The following ANO10 variants were observed in gnomAD, a reference collection of about 807,000 sequenced individuals.
ANO10 encodes anoctamin-10.
ANO10 carries 77 observed loss-of-function variants against 74.7 expected under a neutral mutation model. The observed-to-expected ratio is 1.03, with a 90% CI of 0.86 to 1.25. The LOEUF is 1.25. ANO10 is among the 50% of genes most tolerant of loss of function. ANO10 has a pLI of 0.00. For missense variants in ANO10, 721 were observed against 778.1 expected (o/e 0.93, Z 0.87); for synonymous variants, 279 against 284.9 (o/e 0.98, Z 0.21).
At chr3:43,414,908 A>AG (rs2092714809) in intron 12 of ANO10, among the ~76,000 whole-genome samples, 1 of 150,734 alleles carries the variant, frequency 6.6e-6, no homozygotes, top group Admixed American at 6.6e-5. Flanking sequence ...CACAGACTTA[A>AG]AGTCAATGAC....
chr3:43,568,923 A>C (rs1374462074), intron 7 of ANO10, among the ~76,000 whole-genome samples: 2 of 149,094 alleles, frequency 1.3e-5, no homozygotes, highest in Admixed American at 1.3e-4. Flanking sequence ...GATCAACAAA[A>C]TTGATAGACC....
At chr3:43,577,300 C>T (rs762885035) in intron 5 of ANO10, 39 bp from the exon 6 acceptor site, 16 of 1,574,522 alleles carry the variant, frequency 1.0e-5, no homozygotes, top group Non-Finnish European at 1.4e-5. Context: ...GTATAGACTA[C>T]CAAACACTTT....
intron 12 of ANO10, among the ~76,000 whole-genome samples, chr3:43,374,527 T>C (rs1365912108): frequency 6.6e-6 from 1 of 152,248 alleles, no homozygotes; most frequent in Non-Finnish European, 1.5e-5. Context: ...GCCCGGCCCC[T>C]ACCCTGATGT....
intron 11 of ANO10, among the ~76,000 whole-genome samples, chr3:43,539,559 A>G (rs1402019397): frequency 1.3e-5 from 2 of 152,188 alleles, no homozygotes; most frequent in Admixed American, 6.5e-5. Flanking sequence ...GCTGGGGTGC[A>G]GTAGGAGACA....
chr3:43,640,232 A>C (rs750608066), intron 1 of ANO10, among the ~76,000 whole-genome samples: 25 of 152,242 alleles, frequency 1.6e-4, no homozygotes, highest in Non-Finnish European at 3.1e-4. Flanking sequence ...GAAAAGGTTA[A>C]AAAATATACC....
chr3:43,482,430 T>TG (rs2076309903), intron 11 of ANO10, among the ~76,000 whole-genome samples: 1 of 152,052 alleles, frequency 6.6e-6, no homozygotes, highest in Non-Finnish European at 1.5e-5. Context: ...ATCTCAGGAT[T>TG]GGAAGTGCCT....
chr3:43,483,973 A>G (rs1388530844), intron 11 of ANO10, among the ~76,000 whole-genome samples: 1 of 152,108 alleles, frequency 6.6e-6, no homozygotes, highest in Non-Finnish European at 1.5e-5. Context: ...GTCTCATTCT[A>G]TTGCCCAGGC....
intron 1 of ANO10, among the ~76,000 whole-genome samples, chr3:43,653,838 G>C (rs762024468): frequency 3.9e-5 from 6 of 151,988 alleles, no homozygotes; most frequent in Non-Finnish European, 7.4e-5. Context: ...CTATCCCTTC[G>C]GACAGAAGTT....
chr3:43,656,204 T>C (rs915905632), intron 1 of ANO10, among the ~76,000 whole-genome samples: 3 of 151,472 alleles, frequency 2.0e-5, no homozygotes, highest in Admixed American at 6.6e-5. Context: ...AGAGTGTCAA[T>C]TGGTGCATTC....
intron 11 of ANO10, among the ~76,000 whole-genome samples, chr3:43,439,438 A>G (rs1215769137): frequency 5.3e-5 from 8 of 151,076 alleles, no homozygotes; most frequent in Middle Eastern, 3.4e-3. Flanking sequence ...ACAACAGCAT[A>G]AGAAAAAATA....
chr3:43,407,681 G>C (rs567949911), intron 12 of ANO10, among the ~76,000 whole-genome samples: 7 of 152,226 alleles, frequency 4.6e-5, no homozygotes, highest in African/African-American at 7.2e-5. Flanking sequence ...TTACAATGGA[G>C]CATGACAAAT....
At chr3:43,414,967 C>CTTTTTTTTT (rs60554785) in intron 12 of ANO10, among the ~76,000 whole-genome samples, 34 of 66,600 alleles carry the variant, frequency 5.1e-4, no homozygotes, top group Non-Finnish European at 5.6e-4. Context: ...TGTCATTGTG[C>CTTTTTTTTT]TTTTTTTTTT....
rs377696623 is a variant in ANO10 at position 43,665,543 on chromosome 3, T to C, written c.-12+25974A>G. On this transcript the variant is annotated intron_variant, in intron 1 of 3. Transcript: ENST00000413397. ...ATATAATTTAAAAAAAAGAGAAAAA[T>C]CTTGGTCATCTAGCATTGGTGATCT... 3.9e-5 allele frequency among the ~76,000 whole-genome samples: 6 copies of C among 152,068 alleles called. No individual in the cohort carries two copies. The East Asian group carries it at 9.7e-4, about 25-fold the overall frequency.
At chr3:43,615,531 A>G (rs897787128) in intron 1 of ANO10, among the ~76,000 whole-genome samples, 3 of 152,178 alleles carry the variant, frequency 2.0e-5, no homozygotes, top group Admixed American at 6.5e-5. Flanking sequence ...TTTTATAATC[A>G]GAAAAAAAGT....
At chr3:43,581,925 C>T (rs1360331504) in intron 4 of ANO10, among the ~76,000 whole-genome samples, 2 of 135,770 alleles carry the variant, frequency 1.5e-5, no homozygotes, top group South Asian at 4.6e-4. Context: ...GACCTCATCT[C>T]GAAAAAAAAA....
intron 11 of ANO10, among the ~76,000 whole-genome samples, chr3:43,490,563 G>A (rs1275567152): frequency 6.6e-6 from 1 of 152,148 alleles, no homozygotes; most frequent in Non-Finnish European, 1.5e-5. Context: ...TACTTGCTAT[G>A]TACTCAAACT....
At chr3:43,656,340 G>A (rs1273390681) in intron 1 of ANO10, among the ~76,000 whole-genome samples, 2 of 152,380 alleles carry the variant, frequency 1.3e-5, no homozygotes, top group East Asian at 1.9e-4. Context: ...GTCCCCACCA[G>A]ACTCAGGAGC....
intron 1 of ANO10, among the ~76,000 whole-genome samples, chr3:43,652,741 G>T (rs1469374047): frequency 1.3e-5 from 2 of 151,480 alleles, no homozygotes; most frequent in African/African-American, 4.9e-5. Context: ...ATCAAATAAG[G>T]CCTTTCAAAG....
At chr3:43,567,625 G>T (rs573211059) in intron 7 of ANO10, among the ~76,000 whole-genome samples, 1 of 151,728 alleles carries the variant, frequency 6.6e-6, no homozygotes, top group South Asian at 2.1e-4. Flanking sequence ...TTATAGACAA[G>T]CAAATGCTGA....
Sources: allele counts gnomAD v4.1 joint callset (sites outside exome capture counted in the v4.1 genomes callset), GRCh38; gene constraint gnomAD v4.1.1; transcripts MANE v1.5; gene names NCBI Gene and HGNC (gene_info 2026-07-23, HGNC 2026-07-21).